The following MASP1 variants were observed in gnomAD, a reference collection of about 807,000 sequenced individuals.
The protein encoded by MASP1 is MBL associated serine protease 1.
In MASP1, 59 loss-of-function variants were observed where a neutral mutation model predicts 77.1. That is an observed-to-expected ratio of 0.77 (90% CI 0.62 to 0.95). The LOEUF is 0.95. Ranked by LOEUF, MASP1 falls within the 40% of genes least tolerant of loss-of-function variation. MASP1 has a pLI of 0.00. For missense variants in MASP1, 885 were observed against 912.9 expected, an observed-to-expected ratio of 0.97 and a Z score of 0.39; for synonymous variants, 362 against 354.5, an observed-to-expected ratio of 1.02 and a Z score of -0.24.
In MASP1 at chr3:187,282,020, C is replaced by T. The variant is rs530948243; in HGVS notation, c.237+3805G>A. Among the ~76,000 whole-genome samples the T allele has an allele frequency of 1.2e-4, 19 of 152,266 alleles. 1 individual carries two copies. The South Asian group carries it at 3.9e-3, about 32-fold the overall frequency. The stretch of plus-strand genomic sequence containing the variant: ...GGTTTGGGATTTCAGAGGCAGACTG[C>T]TCACCCACTCTCTGAACTCTGACCT... On this transcript the variant is annotated intron_variant, in intron 2 of 10. Coordinates refer to ENST00000296280, the MANE Select transcript of MASP1 (RefSeq NM_139125.4).
At chr3:187,287,518 C>A (rs1358846261) in intron 1 of MASP1, among the ~76,000 whole-genome samples, 2 of 152,176 alleles carry the variant, frequency 1.3e-5, no homozygotes, top group Non-Finnish European at 2.9e-5. Flanking sequence ...GGATTTAAGT[C>A]CCAATTCTTT....
At chr3:187,279,235 A>G (rs1579578828) in intron 2 of MASP1, among the ~76,000 whole-genome samples, 1 of 152,218 alleles carries the variant, frequency 6.6e-6, no homozygotes, top group South Asian at 2.1e-4. Flanking sequence ...CACTTTCTTT[A>G]CTGTAAAATC....
Position 187,268,806 on chromosome 3 carries a change from C to T in MASP1, c.238-6086G>A, listed in dbSNP as rs193151117. 2.7e-3 allele frequency among the ~76,000 whole-genome samples: 404 copies of T among 152,270 alleles called. 4 individuals are homozygous for T. The highest frequency in any genetic ancestry group is 6.8e-3 in the Middle Eastern group (2 of 294). ...TTAAGGCCGGGTGTGGTGGCTTACG[C>T]CTGTAATCCCAGTACTTTGGGAGGC... On this transcript the variant is annotated intron_variant, in intron 2 of 10. Coordinates refer to ENST00000296280, the MANE Select transcript of MASP1 (RefSeq NM_139125.4).
rs1424327468 is a variant in MASP1 at position 187,228,236 on chromosome 3, G to A, written c.1441+1524C>T. On this transcript the variant is annotated intron_variant, in intron 11 of 15. Transcript: ENST00000337774. ...CGAGAGGCGGAGGTTGCAGTGAGCC[G>A]AGATTGCACCACTGTACTCCATCCT... is the stretch of plus-strand genomic sequence containing the variant. Among the ~76,000 whole-genome samples, 5 of 148,100 alleles carry A rather than the reference G, an allele frequency of 3.4e-5. No individual in the cohort carries two copies. The South Asian group carries it at 6.4e-4, about 19-fold the overall frequency.
chr3:187,281,949 G>T (rs760128899), intron 2 of MASP1, among the ~76,000 whole-genome samples: 6 of 152,196 alleles, frequency 3.9e-5, no homozygotes, highest in African/African-American at 1.4e-4. Context: ...TTGGCCAGGC[G>T]ATTAGAAAAA....
chr3:187,276,039 A>G (rs1716938938), intron 2 of MASP1, among the ~76,000 whole-genome samples: 1 of 150,434 alleles, frequency 6.6e-6, no homozygotes, highest in African/African-American at 2.5e-5. Context: ...CATCCTTGCT[A>G]TTCTTCAAAC....
chr3:187,224,814 C>A (rs1413129714), intron 13 of MASP1, among the ~76,000 whole-genome samples: 2 of 152,214 alleles, frequency 1.3e-5, no homozygotes, highest in Non-Finnish European at 2.9e-5. Flanking sequence ...TGGCTGTTGG[C>A]ATCATCCCTG....
intron 8 of MASP1, chr3:187,243,973 C>T: frequency 3.2e-6 from 1 of 316,974 alleles, no homozygotes; most frequent in East Asian, 7.0e-5. Flanking sequence ...GCAATCCTCT[C>T]TGCCTCTTCT....
intron 2 of MASP1, among the ~76,000 whole-genome samples, chr3:187,283,951 C>T (rs1042710215): frequency 5.3e-5 from 8 of 152,172 alleles, no homozygotes; most frequent in African/African-American, 1.7e-4. Flanking sequence ...TCCTGAAAAG[C>T]GTAACTGGCC....
downstream of MASP1, chr3:187,229,741 C>T (rs1712653576): frequency 1.2e-6 from 2 of 1,613,748 alleles, no homozygotes; most frequent in Non-Finnish European, 1.7e-6. Flanking sequence ...AGCTTCCACC[C>T]CTTCCACCTT....
chr3:187,249,398 C>T (rs2108536358), intron 8 of MASP1, among the ~76,000 whole-genome samples: 1 of 152,274 alleles, frequency 6.6e-6, no homozygotes, highest in South Asian at 2.1e-4. Context: ...AGCAAATTCT[C>T]CCTTCTCTCT....
At chr3:187,279,733 T>C (rs1326584546) in intron 2 of MASP1, among the ~76,000 whole-genome samples, 2 of 152,222 alleles carry the variant, frequency 1.3e-5, no homozygotes, top group Non-Finnish European at 2.9e-5. Context: ...TAAGAAATCC[T>C]ACTTAGAGAA....
chr3:187,237,761 A>T (rs1463539204), intron 10 of MASP1, among the ~76,000 whole-genome samples: 2 of 152,188 alleles, frequency 1.3e-5, no homozygotes, highest in East Asian at 3.8e-4. Context: ...TTGGAGGTAG[A>T]CCTACTATGA....
downstream of MASP1, chr3:187,229,635 C>T: frequency 7.7e-7 from 1 of 1,297,640 alleles, no homozygotes; most frequent in Non-Finnish European, 1.1e-6. Context: ...AGAACTCTTT[C>T]TACCGCACTG....
chr3:187,245,006 G>C (rs999003343), intron 8 of MASP1: 2 of 152,184 alleles, frequency 1.3e-5, no homozygotes, highest in African/African-American at 4.8e-5. Flanking sequence ...AAAGATGAAG[G>C]AGGGGAGTAA....
intron 8 of MASP1, among the ~76,000 whole-genome samples, chr3:187,248,274 T>C (rs1388517620): frequency 1.3e-5 from 2 of 152,148 alleles, no homozygotes; most frequent in African/African-American, 2.4e-5. Context: ...TCCAAAAATG[T>C]GAATGAGAGA....
intron 8 of MASP1, chr3:187,244,336 G>T (rs139179440): frequency 6.5e-6 from 1 of 153,846 alleles, no homozygotes; most frequent in African/African-American, 2.4e-5. Context: ...GGTGGTCTTT[G>T]GGGAGCTTTC....
chr3:187,236,691 C>T (rs901501911), intron 10 of MASP1, 124 bp from the exon 11 acceptor site: 2 of 1,541,234 alleles, frequency 1.3e-6, no homozygotes, highest in South Asian at 1.2e-5. Flanking sequence ...GGGACCCTAA[C>T]CTGCCTGGGT....
intron 2 of MASP1, among the ~76,000 whole-genome samples, chr3:187,263,715 A>G (rs1026181808): frequency 6.6e-6 from 1 of 152,154 alleles, no homozygotes; most frequent in Non-Finnish European, 1.5e-5. Flanking sequence ...GATGCAAAAA[A>G]CATGCCTGTT....
Sources: allele counts gnomAD v4.1 joint callset (sites outside exome capture counted in the v4.1 genomes callset), GRCh38; gene constraint gnomAD v4.1.1; transcripts MANE v1.5; gene names NCBI Gene and HGNC (gene_info 2026-07-23, HGNC 2026-07-21).